TEX10: variants seen among roughly 807,000 people sequenced by gnomAD.
The protein encoded by TEX10 is testis expressed 10, also known as testis-expressed protein 10.
Under a neutral mutation model 104.4 loss-of-function variants are expected in TEX10, and 24 were observed. The ratio of observed to expected loss-of-function variants is 0.23; its 90% confidence interval spans 0.17 to 0.32. The LOEUF (loss-of-function observed/expected upper bound fraction) is 0.32. TEX10 is among the 10% of genes least tolerant of loss of function. The pLI, the probability that TEX10 is intolerant of heterozygous loss-of-function variation, is 1.00. For synonymous variants in TEX10, 396 were observed against 393.4 expected, an observed-to-expected ratio of 1.01 and a Z score of -0.08; for missense variants, 921 against 1,083.9, an observed-to-expected ratio of 0.85 and a Z score of 2.11.
rs993027136 is a variant in TEX10, at chr9:100,347,304, G to T, written c.283C>A (p.His95Asn). 6.8e-6 allele frequency: 11 copies of T among 1,614,154 alleles called. No individual in the cohort carries two copies. Among genetic ancestry groups the T allele is most frequent in the Non-Finnish European group, 8.5e-6 (10 of 1,180,014 alleles). The change falls in exon 3 of 15, where the codon CAC becomes AAC. Residue 95 changes from histidine to asparagine, a missense_variant. By Grantham distance (68) the His-to-Asn change is moderately conservative (BLOSUM62 1). Transcript: ENST00000374902. ...LSQYPFIIDA[H>N]LSNILSEVTA... The stretch of plus-strand genomic sequence containing the variant: ...ACTTCACTTAATATGTTTGAAAGGT[G>T]TGCATCAATTATAAATGGGTATTGA...
At position 100,346,803 on chromosome 9, in the gene TEX10, T is replaced by C. The variant is rs758170314; in HGVS notation, c.784A>G (p.Ser262Gly). 2 of 1,614,110 alleles carry C rather than the reference T, an allele frequency of 1.2e-6. No homozygotes were observed. Among genetic ancestry groups the C allele is most frequent in the African/African-American group, 2.7e-5 (2 of 74,946 alleles). ...QEQKENPHATSNSIFINWKEH... is the reference protein window; with the variant it reads ...QEQKENPHATGNSIFINWKEH... The stretch of plus-strand genomic sequence containing the variant: ...TTCCAGTTGATAAAAATGGAGTTGC[T>C]AGTGGCATGGGGATTTTCTTTCTGT... Residue 262 changes from serine to glycine, a missense_variant, in exon 3 of 15, where the codon AGC (serine) becomes GGC (glycine). By Grantham distance (56) the Ser-to-Gly change is moderately conservative. Around this residue, in one of 3 missense-constraint regions of TEX10, gnomAD observed 753 missense variants for 868.4 expected, o/e 0.87. Coordinates refer to ENST00000374902, the MANE Select transcript of TEX10 (RefSeq NM_017746.4).
intron 6 of TEX10, 56 bp downstream of exon 6, chr9:100,329,875 A>C: frequency 7.1e-7 from 1 of 1,411,858 alleles, no homozygotes; most frequent in Non-Finnish European, 9.8e-7. Flanking sequence ...GCTAGACCTT[A>C]AGATAGCACA....
rs12001575 is a variant in TEX10, at chr9:100,344,278, G to A, written c.1137+1794C>T. ...TTATATGTTAATGAGCTGCTAATAAGCCTAGTCATGTTATAATAGCACAAA... is the reference window on the plus strand; with the variant it reads ...TTATATGTTAATGAGCTGCTAATAAACCTAGTCATGTTATAATAGCACAAA... On this transcript the variant is annotated intron_variant, in intron 4 of 14. Coordinates refer to ENST00000374902, the MANE Select transcript of TEX10 (RefSeq NM_017746.4). Among the ~76,000 whole-genome samples the A allele has an allele frequency of 3.6e-3, 553 of 152,198 alleles. 4 individuals carry two copies. The highest frequency in any genetic ancestry group is 0.013 in the African/African-American group (524 of 41,508).
At chr9:100,309,272 A>G (rs532572043) in intron 12 of TEX10, among the ~76,000 whole-genome samples, 27 of 152,314 alleles carry the variant, frequency 1.8e-4, no homozygotes, top group African/African-American at 6.0e-4. Context: ...GAGTTTGCTA[A>G]TTCATCTAGA....
At chr9:100,349,923 G>A (rs1000604146) in intron 1 of TEX10, among the ~76,000 whole-genome samples, 1 of 152,144 alleles carries the variant, frequency 6.6e-6, no homozygotes. Context: ...CCTTTCAAGA[G>A]CAAGGAAAAC....
chr9:100,333,128 C>G (rs1313836349), intron 5 of TEX10, among the ~76,000 whole-genome samples: 1 of 151,968 alleles, frequency 6.6e-6, no homozygotes, highest in Non-Finnish European at 1.5e-5. Context: ...CCACACCCAG[C>G]TAATTTTGTA....
Position 100,342,228 on chromosome 9 carries a change from T to C in TEX10, c.1138-1859A>G, listed in dbSNP as rs189038093. On this transcript the variant is annotated intron_variant, in intron 4 of 14. Coordinates refer to ENST00000374902, the MANE Select transcript of TEX10 (RefSeq NM_017746.4). The stretch of plus-strand genomic sequence containing the variant: ...CAGATATCTTATTCTCAGAGAGCAT[T>C]TGACAACCTATCTAAAATAGCTCCC... Among the ~76,000 whole-genome samples the C allele has an allele frequency of 3.1e-4, 47 of 152,368 alleles. No individual in the cohort carries two copies. In the East Asian group the frequency reaches 8.3e-3, roughly 27 times the overall value.
chr9:100,326,006 C>T (rs73493648), intron 9 of TEX10, among the ~76,000 whole-genome samples: 3 of 152,246 alleles, frequency 2.0e-5, no homozygotes, highest in African/African-American at 7.2e-5. Flanking sequence ...AATTCCATAA[C>T]AACAAAGGTT....
rs1424185230 is a variant in TEX10, at chr9:100,310,442, C to G, written c.2203-63G>C. 2.8e-6 allele frequency: 4 copies of G among 1,445,260 alleles called. No homozygotes were observed. In the East Asian group the frequency reaches 6.9e-5, roughly 25 times the overall value. 89.5% of individuals were successfully genotyped at this position (1,445,260 alleles called of 1,614,324 possible). ...CATTTTAGATCAGAAACAAGTTCAA[C>G]AGATTCTTTTTTTTGAGACAGAGTT... On this transcript the variant is annotated intron_variant, in intron 11 of 14. Coordinates refer to ENST00000374902, the MANE Select transcript of TEX10 (RefSeq NM_017746.4).
intron 2 of TEX10, 119 bp downstream of exon 2, chr9:100,349,065 C>A: frequency 5.1e-6 from 4 of 786,758 alleles, no homozygotes; most frequent in Non-Finnish European, 7.2e-6. Flanking sequence ...CATCAATAAA[C>A]CCTAAGACCC....
rs1564223379 is a variant in TEX10, at chr9:100,349,260, G to T, written c.104C>A (p.Thr35Lys). ...LQNATPTNFKTKTIHLPEQLK... is the reference protein window; with the variant it reads ...LQNATPTNFKKKTIHLPEQLK... The stretch of plus-strand genomic sequence containing the variant: ...TTGCTCAGGCAGATGTATAGTCTTT[G>T]TTTTAAAGTTTGTAGGAGTAGCATT... Residue 35 changes from threonine (T) to lysine (K), a missense_variant, in exon 2 of 15, where the codon ACA (threonine) becomes AAA (lysine). Thr to Lys is a moderately conservative substitution (Grantham distance 78). Coordinates refer to ENST00000374902, the MANE Select transcript of TEX10 (RefSeq NM_017746.4). The T allele has an allele frequency of 6.2e-7, 1 of 1,607,076 alleles. No individual in the cohort carries two copies. Among genetic ancestry groups the T allele is most frequent in the Non-Finnish European group, 8.5e-7 (1 of 1,178,092 alleles).
chr9:100,310,525 G>A (rs913637676), intron 11 of TEX10, 146 bp from the exon 12 acceptor site: 17 of 690,774 alleles, frequency 2.5e-5, no homozygotes, highest in East Asian at 5.7e-5. Context: ...CGCAACCCCC[G>A]TGACCTGGCT....
At chr9:100,348,549 T>C (rs1311985041) in intron 2 of TEX10, among the ~76,000 whole-genome samples, 1 of 152,186 alleles carries the variant, frequency 6.6e-6, no homozygotes, top group African/African-American at 2.4e-5. Flanking sequence ...CAGGATTGTA[T>C]CTTAATTCGC....
chr9:100,351,897 T>C (rs1490531352), intron 1 of TEX10, among the ~76,000 whole-genome samples: 1 of 152,206 alleles, frequency 6.6e-6, no homozygotes, highest in Admixed American at 6.5e-5. Flanking sequence ...ACTTTTACAG[T>C]AGCCGGTTTT....
intron 13 of TEX10, chr9:100,306,826 C>A (rs1462147284): frequency 6.6e-6 from 1 of 152,172 alleles, no homozygotes; most frequent in Admixed American, 6.5e-5. Context: ...TAATTTTGTT[C>A]ATTCCAGCCA....
At chr9:100,343,633 A>G (rs879324665) in intron 4 of TEX10, among the ~76,000 whole-genome samples, 12 of 152,146 alleles carry the variant, frequency 7.9e-5, no homozygotes, top group Non-Finnish European at 1.8e-4. Flanking sequence ...TACAAGTGAA[A>G]TTTCTTGACT....
intron 11 of TEX10, among the ~76,000 whole-genome samples, chr9:100,318,464 G>A (rs940899801): frequency 1.3e-5 from 2 of 152,154 alleles, no homozygotes; most frequent in East Asian, 1.9e-4. Flanking sequence ...ACTCAAAAAG[G>A]TGAATGGGTG....
At chr9:100,315,800 C>G (rs1290735202) in intron 11 of TEX10, among the ~76,000 whole-genome samples, 1 of 152,132 alleles carries the variant, frequency 6.6e-6, no homozygotes, top group Non-Finnish European at 1.5e-5. Context: ...TTATAAATGA[C>G]TAGACACTAT....
At chr9:100,341,332 T>A (rs1290304382) in intron 4 of TEX10, among the ~76,000 whole-genome samples, 1 of 152,194 alleles carries the variant, frequency 6.6e-6, no homozygotes, top group South Asian at 2.1e-4. Context: ...CTTCTAAACG[T>A]TTGGATCTGC....
Sources: gnomAD v4.1 joint callset for allele counts (sites outside exome capture counted in the v4.1 genomes callset) on GRCh38, gnomAD v4.1.1 for gene constraint, gnomAD v4.1.1 regional missense constraint, MANE v1.5 for transcripts, NCBI Gene and HGNC (gene_info 2026-07-23, HGNC 2026-07-21) for gene names.